KCTD13: variants seen among roughly 807,000 people sequenced by gnomAD.
KCTD13 encodes BTB/POZ domain-containing adapter for CUL3-mediated RhoA degradation protein 1.
In KCTD13, 15 loss-of-function variants were observed where a neutral mutation model predicts 32.3. The ratio of observed to expected loss-of-function variants is 0.46; its 90% CI spans 0.31 to 0.71. KCTD13 has a LOEUF of 0.71. Ranked by LOEUF, KCTD13 falls within the 30% of genes least tolerant of loss-of-function variation. The probability of loss-of-function intolerance (pLI) is 0.05; values close to 1 mark genes in which losing one functional copy is unlikely to be tolerated. For synonymous variants in KCTD13, 189 were observed against 200.1 expected (o/e 0.94, Z 0.47); for missense variants, 337 against 452.6 (o/e 0.74, Z 2.32).
intron 1 of KCTD13, among the ~76,000 whole-genome samples, chr16:29,925,235 T>TG: frequency 6.6e-6 from 1 of 152,312 alleles, no homozygotes; most frequent in Middle Eastern, 3.4e-3. Context: ...TCCACTCTGG[T>TG]GTCCCTGGCA....
At chr16:29,909,900 A>T (rs145080160) in intron 5 of KCTD13, among the ~76,000 whole-genome samples, 2 of 151,778 alleles carry the variant, frequency 1.3e-5, no homozygotes, top group Admixed American at 6.6e-5. Context: ...CGAAGTCTCT[A>T]CTAAAGAGAC....
chr16:29,922,321 T>C (rs756233020), intron 2 of KCTD13: 1 of 152,140 alleles, frequency 6.6e-6, no homozygotes, highest in Non-Finnish European at 1.5e-5. Context: ...TTTTAATCTA[T>C]AAAGGGCATT....
In KCTD13 at chr16:29,923,315, G is replaced by A. The variant is rs750687011; in HGVS notation, c.289C>T (p.Leu97Phe). ...ACAGACCCATCCCGCAGGTAATTGA[G>A]GATTGTACCAAAGTGACGGCCGCTC... The part of the protein sequence containing the change: ...DRSGRHFGTI[L>F]NYLRDGSVPL... Residue 97 changes from leucine to phenylalanine, a missense_variant, in exon 2 of 6, where the codon CTC becomes TTC. By Grantham distance (22) the Leu-to-Phe change is conservative. This residue lies in a region of KCTD13 where 252 missense variants were observed against 340.2 expected (regional missense o/e 0.74). Coordinates refer to ENST00000568000, the MANE Select transcript of KCTD13 (RefSeq NM_178863.5). The A allele has an allele frequency of 3.1e-5, 50 of 1,614,024 alleles. No individual in the cohort carries two copies. Among genetic ancestry groups the A allele is most frequent in the Non-Finnish European group, 4.2e-5 (49 of 1,180,030 alleles).
intron 2 of KCTD13, chr16:29,922,850 G>A (rs1378436374): frequency 2.0e-5 from 8 of 407,728 alleles, no homozygotes; most frequent in Non-Finnish European, 3.4e-5. Flanking sequence ...AGTGACATGA[G>A]GGAGCTATTT....
At chr16:29,908,579 T>C (rs2068652321) in intron 5 of KCTD13, among the ~76,000 whole-genome samples, 1 of 152,032 alleles carries the variant, frequency 6.6e-6, no homozygotes, top group African/African-American at 2.4e-5. Flanking sequence ...AGAGACAGGG[T>C]TTCACCATGT....
chr16:29,911,506 A>G, intron 4 of KCTD13: 1 of 565,804 alleles, frequency 1.8e-6, no homozygotes, highest in Non-Finnish European at 3.1e-6. Context: ...CCTCATCTGT[A>G]AAATGGAGCT....
chr16:29,923,533 G>A (rs182069453), intron 1 of KCTD13, among the ~76,000 whole-genome samples, 174 bp from the exon 2 acceptor site: 1 of 152,230 alleles, frequency 6.6e-6, no homozygotes, highest in African/African-American at 2.4e-5. Context: ...TTGGATTATA[G>A]GTGTGAGCCA....
At chr16:29,924,099 G>A (rs937079597) in intron 1 of KCTD13, among the ~76,000 whole-genome samples, 18 of 151,746 alleles carry the variant, frequency 1.2e-4, no homozygotes, top group African/African-American at 3.6e-4. Context: ...GCTTGAATCC[G>A]GGAGGTGGGG....
chr16:29,917,965 C>T (rs1472947090), intron 2 of KCTD13, among the ~76,000 whole-genome samples: 1 of 151,858 alleles, frequency 6.6e-6, no homozygotes, highest in Non-Finnish European at 1.5e-5. Context: ...AAAAATAAAA[C>T]TACAAAGCTC....
chr16:29,912,928 A>C (rs2068742592), intron 2 of KCTD13, among the ~76,000 whole-genome samples: 1 of 152,204 alleles, frequency 6.6e-6, no homozygotes. Context: ...TGGAGAAAGA[A>C]ATCTGAAGCA....
chr16:29,911,309 C>G, intron 4 of KCTD13, 136 bp from the exon 5 acceptor site: 1 of 688,492 alleles, frequency 1.5e-6, no homozygotes, highest in Non-Finnish European at 2.4e-6. Context: ...GCCTCCTCCA[C>G]CCCTGGGGCC....
chr16:29,923,117 C>CT (rs2068939966), intron 2 of KCTD13, 73 bp downstream of exon 2: 1 of 1,538,872 alleles, frequency 6.5e-7, no homozygotes, highest in Non-Finnish European at 8.8e-7. Flanking sequence ...CCCATATCTC[C>CT]TTTTTTCTGC....
chr16:29,909,577 T>C (rs1267609075), intron 5 of KCTD13, among the ~76,000 whole-genome samples: 1 of 152,148 alleles, frequency 6.6e-6, no homozygotes, highest in Non-Finnish European at 1.5e-5. Flanking sequence ...AATATCTTGA[T>C]GATTGCCACA....
At chr16:29,916,857 G>A (rs984213300) in intron 2 of KCTD13, among the ~76,000 whole-genome samples, 1 of 152,188 alleles carries the variant, frequency 6.6e-6, no homozygotes, top group African/African-American at 2.4e-5. Context: ...GTTTGCCTGG[G>A]CCTAGAAGCT....
intron 5 of KCTD13, among the ~76,000 whole-genome samples, chr16:29,910,473 C>T (rs900532432): frequency 2.6e-5 from 4 of 152,022 alleles, no homozygotes; most frequent in South Asian, 4.1e-4. Context: ...TCCTGAGTAG[C>T]TGGGATTACA....
In KCTD13 at chr16:29,925,878, G is replaced by A. The variant is rs2068987436; in HGVS notation, c.156C>T (p.His52=). The A allele has an allele frequency of 3.7e-6, 6 of 1,614,096 alleles. No individual in the cohort carries two copies. The highest frequency in any genetic ancestry group is 4.2e-6 in the Non-Finnish European group (5 of 1,179,998). ...CCGTGAGGGTGCGCAGCGTGGTGTA[G>A]TGCAACGAGCCGCCCACGTTCAGCT... ...YVKLNVGGSL[H]YTTLRTLTGQ... Residue 52 remains histidine, a synonymous_variant, in exon 1 of 6, where the codon CAC becomes CAT. Transcript: ENST00000568000.
intron 1 of KCTD13, among the ~76,000 whole-genome samples, chr16:29,924,841 C>A (rs905967062): frequency 6.6e-6 from 1 of 151,870 alleles, no homozygotes; most frequent in Non-Finnish European, 1.5e-5. Context: ...GTCTCAGCCT[C>A]CCGAGTAGCT....
chr16:29,915,207 G>C (rs2068788722), intron 2 of KCTD13: 2 of 152,220 alleles, frequency 1.3e-5, no homozygotes, highest in Non-Finnish European at 2.9e-5. Context: ...GTAAAAGTTT[G>C]GGTGTGCAAA....
chr16:29,911,767 G>A (rs2068714930), intron 4 of KCTD13, 48 bp downstream of exon 4: 27 of 1,600,554 alleles, frequency 1.7e-5, no homozygotes, highest in Non-Finnish European at 2.2e-5. Flanking sequence ...AAGCAGGGCT[G>A]TGCTGCATCC....
Sources: allele counts gnomAD v4.1 joint callset (sites outside exome capture counted in the v4.1 genomes callset), GRCh38; gene constraint gnomAD v4.1.1; regional missense constraint gnomAD v4.1.1; transcripts MANE v1.5; gene names NCBI Gene and HGNC (gene_info 2026-07-23, HGNC 2026-07-21).